Variants in CNBD1 observed in about 807,000 individuals in gnomAD.
CNBD1 encodes the protein cyclic nucleotide-binding domain-containing protein 1.
CNBD1 carries 71 observed loss-of-function variants against 54.4 expected under a neutral mutation model. The ratio of observed to expected loss-of-function variants is 1.30; its 90% CI spans 1.08 to 1.59. The LOEUF (loss-of-function observed/expected upper bound fraction) is 1.59, where lower values mean the gene tolerates loss of function less well. CNBD1 is among the 40% of genes most tolerant of loss of function. CNBD1 has a pLI of 0.00. For synonymous variants in CNBD1, 182 were observed against 170.7 expected (o/e 1.07, Z -0.51); for missense variants, 659 against 518.0 (o/e 1.27, Z -2.64).
In CNBD1 at chr8:87,392,869, C is replaced by A. The variant is rs186662652; in HGVS notation, c.214-35677C>A. Among the ~76,000 whole-genome samples the A allele has an allele frequency of 1.3e-4, 19 of 151,952 alleles. No homozygotes were observed. The East Asian group carries it at 3.5e-3, about 28-fold the overall frequency. ...TTCTAAGAGATGATGATGTCTGGGA[C>A]TAGCTTGGGAATATTGAAGGCGATG... On this transcript the variant is annotated intron_variant, in intron 2 of 7. Transcript: ENST00000521593.
intron 4 of CNBD1, among the ~76,000 whole-genome samples, chr8:86,947,207 G>C (rs1008817637): frequency 3.9e-5 from 6 of 152,050 alleles, no homozygotes; most frequent in Non-Finnish European, 5.9e-5. Flanking sequence ...TTCATCCACT[G>C]AACATTTAGT....
chr8:87,232,618 A>G (rs1372182773), intron 5 of CNBD1, among the ~76,000 whole-genome samples: 1 of 152,160 alleles, frequency 6.6e-6, no homozygotes, highest in Non-Finnish European at 1.5e-5. Flanking sequence ...TTACAAAATT[A>G]AAAAATAAAT....
chr8:87,343,915 A>C (rs1210279973), intron 8 of CNBD1, among the ~76,000 whole-genome samples: 1 of 152,048 alleles, frequency 6.6e-6, no homozygotes, highest in Non-Finnish European at 1.5e-5. Flanking sequence ...TATTTCCTCA[A>C]TGTGTATAAA....
chr8:87,394,360 G>T (rs1426393699), intron 2 of CNBD1, among the ~76,000 whole-genome samples: 3 of 151,816 alleles, frequency 2.0e-5, no homozygotes, highest in African/African-American at 7.2e-5. Flanking sequence ...ATATATTCAG[G>T]TCTATCTGCA....
intron 4 of CNBD1, among the ~76,000 whole-genome samples, chr8:86,998,751 C>T (rs968366256): frequency 2.0e-5 from 3 of 152,122 alleles, no homozygotes; most frequent in South Asian, 2.1e-4. Context: ...ACATGTTTTT[C>T]GAATTGCTCA....
chr8:87,272,700 A>G (rs541019556), intron 6 of CNBD1, among the ~76,000 whole-genome samples: 4 of 152,108 alleles, frequency 2.6e-5, no homozygotes, highest in African/African-American at 9.6e-5. Context: ...ATGGTAATCC[A>G]TTAAGCCAAA....
At chr8:87,285,506 G>A (rs972827117) in intron 7 of CNBD1, among the ~76,000 whole-genome samples, 1 of 152,168 alleles carries the variant, frequency 6.6e-6, no homozygotes, top group African/African-American at 2.4e-5. Flanking sequence ...GGGAGGCCGA[G>A]GAGGGTGTAT....
chr8:87,112,683 T>C (rs1287091009), intron 4 of CNBD1, among the ~76,000 whole-genome samples: 2 of 152,180 alleles, frequency 1.3e-5, no homozygotes, highest in African/African-American at 4.8e-5. Context: ...ACCTATATCT[T>C]GTATCATCCA....
intron 8 of CNBD1, among the ~76,000 whole-genome samples, chr8:87,345,809 T>A (rs185068520): frequency 6.6e-6 from 1 of 152,190 alleles, no homozygotes; most frequent in Non-Finnish European, 1.5e-5. Flanking sequence ...TCAATAAAAA[T>A]CTTGATGAGT....
chr8:87,374,579 C>G (rs1414142657), intron 10 of CNBD1, among the ~76,000 whole-genome samples: 2 of 151,780 alleles, frequency 1.3e-5, no homozygotes, highest in Admixed American at 1.3e-4. Flanking sequence ...TCTCTTTTGT[C>G]TTCATTAGTA....
chr8:87,390,026 G>A, intron 2 of CNBD1, among the ~76,000 whole-genome samples: 1 of 151,188 alleles, frequency 6.6e-6, no homozygotes, highest in East Asian at 1.9e-4. Context: ...AAATGGTGCT[G>A]GGAAAACAGG....
intron 4 of CNBD1, among the ~76,000 whole-genome samples, chr8:87,083,660 C>G (rs1811042516): frequency 6.9e-6 from 1 of 144,690 alleles, no homozygotes; most frequent in South Asian, 2.2e-4. Context: ...TGGATCTCGG[C>G]TAAGTGCAAG....
downstream of CNBD1, among the ~76,000 whole-genome samples, chr8:87,383,213 T>G (rs1307272247): frequency 1.3e-5 from 2 of 152,070 alleles, no homozygotes; most frequent in African/African-American, 4.8e-5. Context: ...AGAATATCAG[T>G]TAATTTAAAA....
intron 6 of CNBD1, among the ~76,000 whole-genome samples, chr8:87,274,355 C>T (rs1426632158): frequency 6.7e-6 from 1 of 148,604 alleles, no homozygotes; most frequent in Non-Finnish European, 1.5e-5. Context: ...CACTGACTTC[C>T]ACAGTGGTTG....
intron 1 of CNBD1, among the ~76,000 whole-genome samples, chr8:86,882,693 T>G (rs1808622768): frequency 6.6e-6 from 1 of 152,168 alleles, no homozygotes; most frequent in Admixed American, 6.5e-5. Flanking sequence ...TGAATATAAA[T>G]CATTGTATTA....
In CNBD1 at chr8:86,925,813, G is replaced by A. The variant is rs539084619; in HGVS notation, c.273-13783G>A. ...GTCTGGAGTTGGTTCCTGCTGGTGG[G>A]TTCGTAGTCTCGCTGACTTCAAGAA... On this transcript the variant is annotated intron_variant, in intron 3 of 10. Coordinates refer to ENST00000518476, the MANE Select transcript of CNBD1 (RefSeq NM_173538.3). Among the ~76,000 whole-genome samples, 25 of 151,984 alleles carry A rather than the reference G, an allele frequency of 1.6e-4. No individual in the cohort carries two copies. In the South Asian group the frequency reaches 1.7e-3, roughly 10 times the overall value.
chr8:87,367,463 A>T (rs1422631938), intron 10 of CNBD1, among the ~76,000 whole-genome samples: 6 of 152,050 alleles, frequency 3.9e-5, no homozygotes, highest in African/African-American at 1.4e-4. Flanking sequence ...TGCTTCAAAA[A>T]TCTTCTATCA....
intron 3 of CNBD1, among the ~76,000 whole-genome samples, chr8:86,915,614 A>G (rs138662338): frequency 8.5e-5 from 13 of 152,340 alleles, no homozygotes; most frequent in African/African-American, 3.1e-4. Flanking sequence ...CTTCAGTGCC[A>G]TAATTTTCTG....
At chr8:87,418,045 A>G (rs1316046786) in intron 2 of CNBD1, among the ~76,000 whole-genome samples, 7 of 152,052 alleles carry the variant, frequency 4.6e-5, no homozygotes, top group Non-Finnish European at 1.0e-4. Context: ...GCAGAAATTG[A>G]TAAACTAATC....
Sources: allele counts gnomAD v4.1 joint callset (sites outside exome capture counted in the v4.1 genomes callset), GRCh38; gene constraint gnomAD v4.1.1; transcripts MANE v1.5; gene names NCBI Gene and HGNC (gene_info 2026-07-23, HGNC 2026-07-21).